Variants in MGAT4C observed in about 807,000 individuals in gnomAD.
MGAT4C encodes MGAT4 family member C, also known as alpha-1,3-mannosyl-glycoprotein 4-beta-N-acetylglucosaminyltransferase C.
In MGAT4C, 19 loss-of-function variants were observed where a neutral mutation model predicts 40.1. That is an observed-to-expected ratio of 0.47 (90% CI 0.33 to 0.70). The LOEUF (loss-of-function observed/expected upper bound fraction) is 0.70, where lower values mean the gene tolerates loss of function less well. Ranked by LOEUF, MGAT4C falls within the 30% of genes least tolerant of loss-of-function variation. The pLI is 0.02. For synonymous variants in MGAT4C, 181 were observed against 187.1 expected (o/e 0.97, Z 0.27); for missense variants, 491 against 563.2 (o/e 0.87, Z 1.30).
intron 4 of MGAT4C, among the ~76,000 whole-genome samples, chr12:86,308,337 C>T (rs1416894259): frequency 2.0e-5 from 3 of 150,528 alleles, no homozygotes; most frequent in Non-Finnish European, 2.9e-5. Context: ...AAAACAGCAA[C>T]ACTATTCCTG....
At chr12:86,275,447 G>C (rs1274167220) in intron 4 of MGAT4C, among the ~76,000 whole-genome samples, 2 of 152,142 alleles carry the variant, frequency 1.3e-5, no homozygotes, top group Admixed American at 6.5e-5. Flanking sequence ...ATGCCCAGCT[G>C]TTGTAGTTGG....
chr12:86,723,229 T>C (rs1593151511), intron 2 of MGAT4C, among the ~76,000 whole-genome samples: 1 of 152,206 alleles, frequency 6.6e-6, no homozygotes, highest in South Asian at 2.1e-4. Context: ...AGTGTATGAC[T>C]TCCTACATAA....
chr12:86,214,295 C>T (rs954140803), intron 1 of MGAT4C, among the ~76,000 whole-genome samples: 4 of 150,748 alleles, frequency 2.7e-5, no homozygotes, highest in Admixed American at 1.3e-4. Context: ...AGATACTTTC[C>T]CCTAGTGACA....
At chr12:86,702,225 A>ATTT (rs1950376108) in intron 2 of MGAT4C, among the ~76,000 whole-genome samples, 1 of 139,106 alleles carries the variant, frequency 7.2e-6, no homozygotes, top group African/African-American at 2.6e-5. Flanking sequence ...TTTTTTTTTC[A>ATTT]GAGATGTAGT....
At chr12:86,270,970 A>G (rs1952930762) in intron 4 of MGAT4C, among the ~76,000 whole-genome samples, 1 of 152,220 alleles carries the variant, frequency 6.6e-6, no homozygotes, top group East Asian at 1.9e-4. Context: ...CCAAATGCAG[A>G]CAAATAAAAC....
chr12:86,741,097 C>A (rs1045065952), intron 1 of MGAT4C, among the ~76,000 whole-genome samples: 1 of 150,914 alleles, frequency 6.6e-6, no homozygotes, highest in Non-Finnish European at 1.5e-5. Context: ...TGAGAACATG[C>A]AGTACTTGGT....
chr12:86,835,394 T>G (rs1285439396), intron 1 of MGAT4C, among the ~76,000 whole-genome samples: 1 of 152,006 alleles, frequency 6.6e-6, no homozygotes, highest in Non-Finnish European at 1.5e-5. Flanking sequence ...CTGTCTTTTA[T>G]TTTAATAAAG....
chr12:86,311,224 A>G (rs1335975325), intron 4 of MGAT4C, among the ~76,000 whole-genome samples: 2 of 152,180 alleles, frequency 1.3e-5, no homozygotes, highest in Admixed American at 6.6e-5. Context: ...CCTAGGCTAT[A>G]TGGGATAGCC....
intron 2 of MGAT4C, among the ~76,000 whole-genome samples, chr12:86,443,973 G>GAA (rs1283940827): frequency 2.0e-5 from 3 of 151,946 alleles, no homozygotes; most frequent in Non-Finnish European, 4.4e-5. Context: ...TACTCCCTCT[G>GAA]CGTTAATTCA....
chr12:86,767,206 AC>A (rs1257941292), intron 1 of MGAT4C, among the ~76,000 whole-genome samples: 1 of 152,348 alleles, frequency 6.6e-6, no homozygotes, highest in African/African-American at 2.4e-5. Flanking sequence ...CCACAGAAAT[AC>A]AAACTACCAT....
intron 1 of MGAT4C, among the ~76,000 whole-genome samples, chr12:86,737,263 A>G (rs1020412846): frequency 1.3e-5 from 2 of 150,970 alleles, no homozygotes; most frequent in Admixed American, 1.3e-4. Flanking sequence ...GCTAAGTCCA[A>G]TGGTCAATTT....
At chr12:86,291,222 C>T (rs1953504810) in intron 4 of MGAT4C, among the ~76,000 whole-genome samples, 1 of 152,114 alleles carries the variant, frequency 6.6e-6, no homozygotes, top group South Asian at 2.1e-4. Flanking sequence ...AAATAGTTTG[C>T]CAAGTTCTTA....
chr12:86,827,419 T>C (rs181762494), intron 1 of MGAT4C, among the ~76,000 whole-genome samples: 18 of 151,648 alleles, frequency 1.2e-4, no homozygotes, highest in Admixed American at 6.6e-4. Context: ...TTCTCAATAG[T>C]ATTTTTCTGT....
At chr12:86,127,303 T>C (rs539237781) in intron 1 of MGAT4C, among the ~76,000 whole-genome samples, 2 of 152,326 alleles carry the variant, frequency 1.3e-5, no homozygotes, top group East Asian at 3.9e-4. Flanking sequence ...TATTCAAACA[T>C]ACCTAAACAC....
chr12:86,122,679 T>C (rs1465655921), intron 1 of MGAT4C, among the ~76,000 whole-genome samples: 1 of 152,134 alleles, frequency 6.6e-6, no homozygotes, highest in Non-Finnish European at 1.5e-5. Context: ...CGAATTAATC[T>C]GCTAGGAGAT....
chr12:86,577,545 G>A (rs1398892750), intron 2 of MGAT4C, among the ~76,000 whole-genome samples: 2 of 151,696 alleles, frequency 1.3e-5, no homozygotes, highest in Non-Finnish European at 2.9e-5. Context: ...AACTGAAATG[G>A]TCATATAGTT....
intron 2 of MGAT4C, among the ~76,000 whole-genome samples, chr12:86,702,004 T>C (rs917716325): frequency 1.3e-5 from 2 of 152,120 alleles, no homozygotes; most frequent in African/African-American, 4.8e-5. Context: ...AGATCATTGA[T>C]GAAGATAGCT....
chr12:86,422,845 T>A (rs972680592), intron 3 of MGAT4C, among the ~76,000 whole-genome samples: 1 of 152,236 alleles, frequency 6.6e-6, no homozygotes, highest in Admixed American at 6.5e-5. Flanking sequence ...AACAAGTTTT[T>A]TTCTGCACTG....
intron 3 of MGAT4C, among the ~76,000 whole-genome samples, chr12:85,986,822 A>C (rs1372930079): frequency 1.3e-5 from 2 of 152,210 alleles, no homozygotes; most frequent in African/African-American, 4.8e-5. Context: ...AGATGTGTTA[A>C]AAAGAAATTG....
Sources: allele counts gnomAD v4.1 joint callset (sites outside exome capture counted in the v4.1 genomes callset), GRCh38; gene constraint gnomAD v4.1.1; transcripts MANE v1.5; gene names NCBI Gene and HGNC (gene_info 2026-07-23, HGNC 2026-07-21).